The following KIT variants were observed in gnomAD, a reference collection of about 807,000 sequenced individuals.
KIT encodes the protein KIT proto-oncogene, receptor tyrosine kinase.
In KIT, 16 loss-of-function variants were observed where a neutral mutation model predicts 105.7. That is an observed-to-expected ratio of 0.15 (90% CI 0.10 to 0.23). The LOEUF (loss-of-function observed/expected upper bound fraction) is 0.23, where lower values mean the gene tolerates loss of function less well. Ranked by LOEUF, KIT falls within the 10% of genes least tolerant of loss-of-function variation. The probability of loss-of-function intolerance (pLI) is 1.00; values close to 1 mark genes in which losing one functional copy is unlikely to be tolerated. For synonymous variants in KIT, 438 were observed against 441.1 expected, an observed-to-expected ratio of 0.99 and a Z score of 0.09; for missense variants, 858 against 1,213.8, an observed-to-expected ratio of 0.71 and a Z score of 4.36.
intron 7 of KIT, among the ~76,000 whole-genome samples, chr4:54,714,139 G>T (rs1260251631): frequency 6.6e-6 from 1 of 152,208 alleles, no homozygotes; most frequent in Non-Finnish European, 1.5e-5. Context: ...TGAAATGTTT[G>T]ATATCCTTCA....
chr4:54,700,477 A>C (rs2969156), intron 4 of KIT, among the ~76,000 whole-genome samples: 150,515 of 152,292 alleles, frequency 0.99, 74,409 homozygotes, highest in Middle Eastern at 1. Flanking sequence ...CTGAAATTTT[A>C]TCCCTACTAA....
intron 1 of KIT, among the ~76,000 whole-genome samples, chr4:54,694,102 A>G (rs1357097935): frequency 6.6e-6 from 1 of 152,008 alleles, no homozygotes; most frequent in East Asian, 1.9e-4. Context: ...GAAGTTCAGG[A>G]CCCTTGATGG....
Position 54,729,437 on chromosome 4 carries a change from C to T in KIT, c.2093C>T (p.Ala698Val), listed in dbSNP as rs780329057. 6.2e-7 allele frequency: 1 copy of T among 1,613,692 alleles called. No individual in the cohort carries two copies. The highest frequency in any genetic ancestry group is 1.3e-5 in the African/African-American group (1 of 75,016). The change falls in exon 14 of 21, where the codon GCA (alanine) becomes GTA (valine). Residue 698 changes from alanine to valine, a missense_variant. Physicochemically the swap from Ala to Val is moderately conservative, Grantham distance 64. Coordinates refer to ENST00000288135, the MANE Select transcript of KIT (RefSeq NM_000222.3). ...SFICSKQEDHAEAALYKNLLH... is the reference protein window; with the variant it reads ...SFICSKQEDHVEAALYKNLLH... ...ATTTGTTCAAAGCAGGAAGATCATGCAGAAGCTGCACTTTATAAGAATCTT... is the reference window on the plus strand; with the variant it reads ...ATTTGTTCAAAGCAGGAAGATCATGTAGAAGCTGCACTTTATAAGAATCTT...
In KIT at chr4:54,658,067, T is replaced by C. The variant is rs2109521273; in HGVS notation, c.53T>C (p.Leu18Pro). ...WDFLCVLLLLLRVQTGSSQPS... is the reference protein window; with the variant it reads ...WDFLCVLLLLPRVQTGSSQPS... ...TTTCTCTGCGTTCTGCTCCTACTGC[T>C]TCGCGTCCAGACAGGTGGGACACCG... The change falls in exon 1 of 21, where the codon CTT becomes CCT. Residue 18 changes from leucine to proline, a missense_variant. Physicochemically the swap from Leu to Pro is moderately conservative, Grantham distance 98 (BLOSUM62 -3). This residue lies in a region of KIT where 46 missense variants were observed against 38.8 expected (regional missense o/e 1.19). Coordinates refer to ENST00000288135, the MANE Select transcript of KIT (RefSeq NM_000222.3). 6.2e-7 allele frequency: 1 copy of C among 1,613,950 alleles called. No homozygotes were observed. The highest frequency in any genetic ancestry group is 1.3e-5 in the African/African-American group (1 of 75,038).
chr4:54,725,499 G>A (rs181671188), intron 8 of KIT, among the ~76,000 whole-genome samples: 1 of 152,200 alleles, frequency 6.6e-6, no homozygotes, highest in African/African-American at 2.4e-5. Context: ...GATCTACTGT[G>A]TACCAGCATA....
intron 1 of KIT, among the ~76,000 whole-genome samples, chr4:54,668,283 G>C (rs906799328): frequency 6.6e-6 from 1 of 152,180 alleles, no homozygotes; most frequent in African/African-American, 2.4e-5. Flanking sequence ...AGGAAGAGGC[G>C]TGTCTGATAG....
chr4:54,682,162 T>C (rs938998994), intron 1 of KIT, among the ~76,000 whole-genome samples: 2 of 148,338 alleles, frequency 1.3e-5, no homozygotes, highest in East Asian at 2.0e-4. Flanking sequence ...CGATCACAGC[T>C]CACTGCAGCC....
intron 4 of KIT, among the ~76,000 whole-genome samples, chr4:54,701,907 A>G (rs1450875319): frequency 1.3e-5 from 2 of 152,222 alleles, no homozygotes; most frequent in Non-Finnish European, 2.9e-5. Context: ...GCCAATTATT[A>G]GAAGACTCTC....
intron 1 of KIT, among the ~76,000 whole-genome samples, chr4:54,687,435 C>G (rs1719391683): frequency 6.6e-6 from 1 of 151,438 alleles, no homozygotes; most frequent in Admixed American, 6.6e-5. Context: ...AGCAAGACCC[C>G]ATCTCCAAAA....
At chr4:54,725,591 C>T (rs1057191451) in intron 8 of KIT, among the ~76,000 whole-genome samples, 1 of 152,064 alleles carries the variant, frequency 6.6e-6, no homozygotes, top group African/African-American at 2.4e-5. Flanking sequence ...GTTTTACAGT[C>T]GTAGAAACTC....
At chr4:54,735,797 A>G (rs1164707391) in intron 17 of KIT, among the ~76,000 whole-genome samples, 1 of 152,174 alleles carries the variant, frequency 6.6e-6, no homozygotes, top group African/African-American at 2.4e-5. Context: ...AAATAAAAGA[A>G]GTCTAGGAGT....
intron 7 of KIT, among the ~76,000 whole-genome samples, chr4:54,710,646 T>G (rs981865006): frequency 4.6e-5 from 7 of 151,446 alleles, no homozygotes; most frequent in African/African-American, 1.7e-4. Context: ...CAGGTTCAAG[T>G]GATTCTCCTG....
intron 1 of KIT, among the ~76,000 whole-genome samples, chr4:54,670,023 C>T (rs536268084): frequency 1.3e-5 from 2 of 152,126 alleles, no homozygotes; most frequent in Non-Finnish European, 2.9e-5. Flanking sequence ...ATGTCCCTGC[C>T]CCAGTTTCTG....
intron 1 of KIT, among the ~76,000 whole-genome samples, chr4:54,691,013 G>A (rs988828183): frequency 4.6e-5 from 7 of 152,072 alleles, no homozygotes; most frequent in African/African-American, 1.7e-4. Flanking sequence ...AACTCTAGAA[G>A]TGAAGCATGA....
intron 7 of KIT, among the ~76,000 whole-genome samples, chr4:54,716,282 A>C (rs953914490): frequency 4.6e-5 from 7 of 152,208 alleles, no homozygotes; most frequent in Non-Finnish European, 1.0e-4. Flanking sequence ...GTTTGCTCTA[A>C]GGCTGCAACA....
Position 54,703,845 on chromosome 4 carries a change from A to G in KIT, c.878A>G (p.Asn293Ser), listed in dbSNP as rs137909416. 1.2e-4 allele frequency: 186 copies of G among 1,613,868 alleles called. No individual in the cohort carries two copies. Among genetic ancestry groups the G allele is most frequent in the African/African-American group, 1.1e-3 (83 of 74,930 alleles). Residue 293 changes from asparagine to serine, a missense_variant, in exon 5 of 21, where the codon AAT (asparagine) becomes AGT (serine). Physicochemically the swap from Asn to Ser is conservative, Grantham distance 46 (BLOSUM62 1). This residue lies in a region of KIT where 401 missense variants were observed against 601.0 expected (regional missense o/e 0.67). Transcript: ENST00000288135. ...NDSGVFMCYANNTFGSANVTT... is the reference protein window; with the variant it reads ...NDSGVFMCYASNTFGSANVTT... ...TCTGGAGTGTTCATGTGTTATGCCAATAATACTTTTGGATCAGCAAATGTC... is the reference window on the plus strand; with the variant it reads ...TCTGGAGTGTTCATGTGTTATGCCAGTAATACTTTTGGATCAGCAAATGTC...
In KIT at chr4:54,709,583, AGTT is replaced by A. The variant is rs963763110; in HGVS notation, c.1231+47_1231+49del. 4.1e-6 allele frequency: 5 copies of A among 1,231,120 alleles called. No individual in the cohort carries two copies. The African/African-American group carries it at 5.9e-5, about 15-fold the overall frequency. 76.3% of individuals were successfully genotyped at this position (1,231,120 alleles called of 1,614,324 possible). A position where few individuals can be genotyped will look rare whatever the true frequency, so the allele number is the denominator to read the frequency against. Reference sequence around the variant, plus strand: ...TCCTTTTAATTTTTTATTCTTTTAAAGTTGTGGCTCGTGTTTGTAACAGCTGCA... The same window carrying A: ...TCCTTTTAATTTTTTATTCTTTTAAAGTGGCTCGTGTTTGTAACAGCTGCA... On this transcript the variant is annotated intron_variant, in intron 7 of 20. Transcript: ENST00000288135.
intron 1 of KIT, among the ~76,000 whole-genome samples, chr4:54,687,088 A>T (rs527734406): frequency 9.2e-5 from 14 of 152,322 alleles, no homozygotes; most frequent in Non-Finnish European, 1.8e-4. Context: ...AAAAAAATAC[A>T]TTTGATTTTA....
intron 1 of KIT, among the ~76,000 whole-genome samples, chr4:54,692,212 C>T (rs1294931456): frequency 6.6e-6 from 1 of 152,220 alleles, no homozygotes; most frequent in Non-Finnish European, 1.5e-5. Context: ...ACAGTCCTAA[C>T]TCAAGAGCCA....
Sources: allele counts gnomAD v4.1 joint callset (sites outside exome capture counted in the v4.1 genomes callset), GRCh38; gene constraint gnomAD v4.1.1; regional missense constraint gnomAD v4.1.1; transcripts MANE v1.5; gene names NCBI Gene and HGNC (gene_info 2026-07-23, HGNC 2026-07-21).